Variants in ANKMY2 observed in about 807,000 individuals in gnomAD.
ANKMY2 encodes the protein ankyrin repeat and MYND domain containing 2.
In ANKMY2, 36 loss-of-function variants were observed where a neutral mutation model predicts 50.4. The observed-to-expected ratio is 0.71, with a 90% confidence interval of 0.55 to 0.94. The LOEUF (loss-of-function observed/expected upper bound fraction) is 0.94. Among genes scored for constraint, ANKMY2 ranks in the 40% least tolerant of loss-of-function variants. ANKMY2 has a pLI of 0.00. For missense variants in ANKMY2, 565 were observed against 524.0 expected (o/e 1.08, Z -0.76); for synonymous variants, 187 against 178.8 (o/e 1.05, Z -0.36).
chr7:16,622,780 AT>A (rs1781457765), intron 4 of ANKMY2, among the ~76,000 whole-genome samples: 3 of 100,654 alleles, frequency 3.0e-5, no homozygotes, highest in African/African-American at 9.4e-5. Context: ...AAATAAATAA[AT>A]AAATAAAAAT....
Position 16,615,806 on chromosome 7 carries a change from G to T in ANKMY2, c.469C>A (p.Pro157Thr). The T allele has an allele frequency of 6.2e-7, 1 of 1,614,194 alleles. No individual in the cohort carries two copies. Among genetic ancestry groups the T allele is most frequent in the Non-Finnish European group, 8.5e-7 (1 of 1,180,034 alleles). Residue 157 changes from proline (P) to threonine (T), a missense_variant, in exon 5 of 10, where the codon CCC becomes ACC. Coordinates refer to ENST00000306999, the MANE Select transcript of ANKMY2 (RefSeq NM_020319.3). ...TGCAGCGGGCCTGCCAACTTTGGGG[G>T]CAGTTTTGGCTCTTTATCCAGTCCC... is the stretch of plus-strand genomic sequence containing the variant. ...PQGLDKEPKL[P>T]PKLAGPLHKI...
chr7:16,625,108 T>C, intron 3 of ANKMY2, 27 bp from the exon 4 acceptor site: 1 of 1,569,516 alleles, frequency 6.4e-7, no homozygotes, highest in Non-Finnish European at 8.8e-7. Context: ...AACACATTTG[T>C]TAATGTTAAG....
At position 16,615,805 on chromosome 7, in the gene ANKMY2, G is replaced by T. The variant is rs766594734; in HGVS notation, c.470C>A (p.Pro157His). The T allele has an allele frequency of 1.9e-6, 3 of 1,614,188 alleles. No homozygotes were observed. The South Asian group carries it at 3.3e-5, about 18-fold the overall frequency. ...PQGLDKEPKL[P>H]PKLAGPLHKI... is the part of the protein sequence containing the mutation. ...GTGCAGCGGGCCTGCCAACTTTGGG[G>T]GCAGTTTTGGCTCTTTATCCAGTCC... Residue 157 changes from proline (P) to histidine (H), a missense_variant, in exon 5 of 10, where the codon CCC (proline) becomes CAC (histidine). Pro to His is a moderately conservative substitution (Grantham distance 77, BLOSUM62 -2). Transcript: ENST00000306999.
intron 7 of ANKMY2, 32 bp downstream of exon 7, chr7:16,609,598 G>C: frequency 6.4e-7 from 1 of 1,567,950 alleles, no homozygotes; most frequent in Non-Finnish European, 8.6e-7. Flanking sequence ...AGGTTTTACT[G>C]ATAGAGTCAA....
At chr7:16,618,366 C>T (rs1477856502) in intron 4 of ANKMY2, among the ~76,000 whole-genome samples, 6 of 151,934 alleles carry the variant, frequency 3.9e-5, no homozygotes, top group Non-Finnish European at 8.8e-5. Context: ...CATTATACAA[C>T]AGATGAAAGA....
chr7:16,620,141 C>G (rs1187308443), intron 4 of ANKMY2, among the ~76,000 whole-genome samples: 1 of 152,084 alleles, frequency 6.6e-6, no homozygotes, highest in Non-Finnish European at 1.5e-5. Context: ...GTCCTATAAC[C>G]AAAATCTAAA....
intron 1 of ANKMY2, among the ~76,000 whole-genome samples, chr7:16,639,432 G>C (rs1781717008): frequency 6.6e-6 from 1 of 152,172 alleles, no homozygotes; most frequent in Non-Finnish European, 1.5e-5. Flanking sequence ...GTAATAATTA[G>C]TGATTTATTT....
At chr7:16,617,980 T>G (rs527960512) in intron 4 of ANKMY2, among the ~76,000 whole-genome samples, 1 of 148,580 alleles carries the variant, frequency 6.7e-6, no homozygotes, top group South Asian at 2.1e-4. Flanking sequence ...CAGGCTGTAG[T>G]GCAGTCACGT....
Position 16,602,512 on chromosome 7 carries a change from G to T in ANKMY2, c.1012-3C>A, listed in dbSNP as rs1781088471. The T allele has an allele frequency of 6.2e-7, 1 of 1,607,574 alleles. No individual in the cohort carries two copies. Among genetic ancestry groups the T allele is most frequent in the East Asian group, 2.2e-5 (1 of 44,702 alleles). On this transcript the variant is annotated splice_polypyrimidine_tract_variant and splice_region_variant and intron_variant, in intron 8 of 9. Coordinates refer to ENST00000306999, the MANE Select transcript of ANKMY2 (RefSeq NM_020319.3). ...CAGGTTTGATCACAATATATTACCT[G>T]AAAGCAATTGTTGGTTTATTTTCAT...
intron 7 of ANKMY2, among the ~76,000 whole-genome samples, chr7:16,605,504 CTATTTT>C (rs1781140879): frequency 1.3e-5 from 2 of 151,624 alleles, no homozygotes. Flanking sequence ...TAATTTTTAT[CTATTTT>C]TATTTTTTTG....
chr7:16,619,343 G>A (rs184778905), intron 4 of ANKMY2, among the ~76,000 whole-genome samples: 14 of 152,030 alleles, frequency 9.2e-5, no homozygotes, highest in Non-Finnish European at 1.8e-4. Context: ...TAGTAGAGGC[G>A]GGGTTTCTCC....
chr7:16,602,484 T>C lies in ANKMY2; in HGVS notation c.1037A>G (p.Gln346Arg). 2 of 1,613,694 alleles carry C rather than the reference T, an allele frequency of 1.2e-6. No individual in the cohort carries two copies. Among genetic ancestry groups the C allele is most frequent in the South Asian group, 2.2e-5 (2 of 90,960 alleles). The change falls in exon 9 of 10, where the codon CAG (glutamine) becomes CGG (arginine). Residue 346 changes from glutamine to arginine, a missense_variant. Coordinates refer to ENST00000306999, the MANE Select transcript of ANKMY2 (RefSeq NM_020319.3). Reference sequence around the variant, plus strand: ...CTTATGAGTAAACCAGTGTGTTTTCTGGCAGGTTTGATCACAATATATTAC... The same window carrying C: ...CTTATGAGTAAACCAGTGTGTTTTCCGGCAGGTTTGATCACAATATATTAC... ...KMVIYCDQTC[Q>R]KTHWFTHKKI...
chr7:16,641,489 G>GTTTT (rs1781745009), intron 1 of ANKMY2, among the ~76,000 whole-genome samples: 1 of 152,122 alleles, frequency 6.6e-6, no homozygotes, highest in South Asian at 2.1e-4. Flanking sequence ...CCAACTAATG[G>GTTTT]TAACCATATA....
intron 1 of ANKMY2, 148 bp from the exon 2 acceptor site, chr7:16,636,603 T>A: frequency 2.0e-6 from 1 of 508,816 alleles, no homozygotes; most frequent in Non-Finnish European, 3.4e-6. Context: ...TCCAATCACA[T>A]ACTATTTATT....
At chr7:16,603,450 T>C (rs1781103838) in intron 8 of ANKMY2, 2 of 332,574 alleles carry the variant, frequency 6.0e-6, no homozygotes, top group Admixed American at 3.8e-5. Context: ...GGGAAGTGAA[T>C]GATATGTTCA....
intron 2 of ANKMY2, among the ~76,000 whole-genome samples, chr7:16,634,328 A>C (rs1309892900): frequency 6.6e-6 from 1 of 152,212 alleles, no homozygotes; most frequent in Non-Finnish European, 1.5e-5. Context: ...ATGATCCCTG[A>C]GAAAGGGAAA....
At chr7:16,634,764 C>T (rs1781633374) in intron 2 of ANKMY2, among the ~76,000 whole-genome samples, 1 of 152,076 alleles carries the variant, frequency 6.6e-6, no homozygotes, top group African/African-American at 2.4e-5. Flanking sequence ...CTTAGTTCAA[C>T]ACCAGGAAAA....
At chr7:16,616,214 GTAAGT>G (rs1781345943) in intron 4 of ANKMY2, among the ~76,000 whole-genome samples, 1 of 152,176 alleles carries the variant, frequency 6.6e-6, no homozygotes, top group Non-Finnish European at 1.5e-5. Context: ...ACAGTTGCTT[GTAAGT>G]TAAATGTCTC....
intron 2 of ANKMY2, among the ~76,000 whole-genome samples, chr7:16,628,846 A>G (rs1781540709): frequency 1.3e-5 from 2 of 152,290 alleles, no homozygotes; most frequent in South Asian, 4.1e-4. Flanking sequence ...TCCAACCTAC[A>G]ACAAGAGGTT....
Sources: gnomAD v4.1 joint callset for allele counts (sites outside exome capture counted in the v4.1 genomes callset) on GRCh38, gnomAD v4.1.1 for gene constraint, MANE v1.5 for transcripts, NCBI Gene and HGNC (gene_info 2026-07-23, HGNC 2026-07-21) for gene names.